NRG3: variants seen among roughly 807,000 people sequenced by gnomAD.
NRG3 encodes neuregulin 3, also known as pro-neuregulin-3, membrane-bound isoform.
In NRG3, 31 loss-of-function variants were observed where a neutral mutation model predicts 66.9. That is an observed-to-expected ratio of 0.46 (90% CI 0.35 to 0.63). The LOEUF (loss-of-function observed/expected upper bound fraction) is 0.63. Among genes scored for constraint, NRG3 ranks in the 20% least tolerant of loss-of-function variants. NRG3 has a pLI of 0.00. For synonymous variants in NRG3, 393 were observed against 359.4 expected (o/e 1.09, Z -1.06); for missense variants, 910 against 878.9 (o/e 1.04, Z -0.45).
intron 3 of NRG3, among the ~76,000 whole-genome samples, chr10:82,793,002 T>C (rs1045374023): frequency 3.3e-5 from 5 of 152,048 alleles, no homozygotes; most frequent in Non-Finnish European, 7.4e-5. Flanking sequence ...GTTTTTTTAA[T>C]CCTACCAATA....
At chr10:82,843,809 G>A (rs1190907197) in intron 3 of NRG3, among the ~76,000 whole-genome samples, 2 of 152,118 alleles carry the variant, frequency 1.3e-5, no homozygotes, top group Admixed American at 6.5e-5. Flanking sequence ...CGAGATGCAA[G>A]GGAAGGTTAA....
At chr10:82,377,991 G>A (rs569674104) in intron 2 of NRG3, among the ~76,000 whole-genome samples, 1 of 152,338 alleles carries the variant, frequency 6.6e-6, no homozygotes, top group African/African-American at 2.4e-5. Context: ...TAGGAAGTGA[G>A]AACAAATCTA....
intron 1 of NRG3, among the ~76,000 whole-genome samples, chr10:81,884,309 G>T (rs970464075): frequency 4.6e-5 from 7 of 152,144 alleles, no homozygotes; most frequent in Admixed American, 3.3e-4. Flanking sequence ...CCTGTTCTTT[G>T]CTCTGATATG....
intron 1 of NRG3, among the ~76,000 whole-genome samples, chr10:82,050,020 C>T (rs956477868): frequency 6.6e-6 from 1 of 152,030 alleles, no homozygotes; most frequent in Non-Finnish European, 1.5e-5. Flanking sequence ...CACACACTCA[C>T]CAGCAACATA....
At chr10:82,720,946 C>T (rs2057279962) in intron 2 of NRG3, among the ~76,000 whole-genome samples, 1 of 149,940 alleles carries the variant, frequency 6.7e-6, no homozygotes. Flanking sequence ...GATTCCATTT[C>T]AACTTGTCAA....
At chr10:82,526,168 G>T (rs1846670890) in intron 2 of NRG3, among the ~76,000 whole-genome samples, 2 of 151,756 alleles carry the variant, frequency 1.3e-5, no homozygotes, top group South Asian at 4.1e-4. Flanking sequence ...AATATAATTT[G>T]CTATAATCAC....
Position 82,148,220 on chromosome 10 carries a change from C to CG in NRG3, c.824-210512dup, listed in dbSNP as rs112879909. On this transcript the variant is annotated intron_variant, in intron 1 of 8. Coordinates refer to ENST00000372141, the MANE Select transcript of NRG3 (RefSeq NM_001010848.4). ...ATCCAGTTTAAAATATCACTGATTG[C>CG]GGGGGGGTGGCTCACACTTGCAATC... Among the ~76,000 whole-genome samples the CG allele has an allele frequency of 6.7e-3, 1,012 of 151,514 alleles. 13 individuals carry two copies. The highest frequency in any genetic ancestry group is 0.023 in the African/African-American group (943 of 41,010).
At chr10:82,766,589 C>T (rs1034629585) in intron 3 of NRG3, among the ~76,000 whole-genome samples, 2 of 152,034 alleles carry the variant, frequency 1.3e-5, no homozygotes, top group Middle Eastern at 3.2e-3. Flanking sequence ...TTCTCTTATC[C>T]TTTCTGTGGT....
chr10:82,563,775 AAT>A (rs1252103330), intron 2 of NRG3, among the ~76,000 whole-genome samples: 1 of 152,028 alleles, frequency 6.6e-6, no homozygotes, highest in Non-Finnish European at 1.5e-5. Context: ...CTCTTTTAGC[AAT>A]TTTGAAATAT....
intron 1 of NRG3, among the ~76,000 whole-genome samples, chr10:82,289,440 C>G (rs1053013911): frequency 1.3e-5 from 2 of 149,204 alleles, no homozygotes; most frequent in African/African-American, 4.8e-5. Flanking sequence ...AGTATATAAA[C>G]AAGAATTCAA....
At chr10:82,079,140 G>T (rs936934174) in intron 1 of NRG3, among the ~76,000 whole-genome samples, 15 of 151,980 alleles carry the variant, frequency 9.9e-5, no homozygotes, top group Admixed American at 3.9e-4. Flanking sequence ...CGCCTCCCGG[G>T]TTCAAGTGAT....
At chr10:82,123,502 C>T (rs1367612600) in intron 1 of NRG3, among the ~76,000 whole-genome samples, 1 of 152,120 alleles carries the variant, frequency 6.6e-6, no homozygotes, top group Non-Finnish European at 1.5e-5. Context: ...GCAAACTAGA[C>T]ATAACTGTTC....
At chr10:82,321,303 G>GA (rs1377656625) in intron 1 of NRG3, among the ~76,000 whole-genome samples, 3 of 144,044 alleles carry the variant, frequency 2.1e-5, no homozygotes, top group East Asian at 4.8e-4. Context: ...GGCAGGGGTG[G>GA]GGGTGGGGGT....
At chr10:82,467,514 G>A (rs551369661) in intron 2 of NRG3, among the ~76,000 whole-genome samples, 10 of 152,332 alleles carry the variant, frequency 6.6e-5, no homozygotes, top group African/African-American at 2.4e-4. Context: ...GAATCCTGCT[G>A]AAGAGGGAAC....
At chr10:82,201,992 G>A (rs1258836602) in intron 1 of NRG3, among the ~76,000 whole-genome samples, 1 of 152,076 alleles carries the variant, frequency 6.6e-6, no homozygotes, top group Non-Finnish European at 1.5e-5. Flanking sequence ...CAAAATAGTA[G>A]TAATCAAAGG....
chr10:82,367,597 G>T (rs1408501338), intron 2 of NRG3, among the ~76,000 whole-genome samples: 1 of 151,906 alleles, frequency 6.6e-6, no homozygotes, highest in Non-Finnish European at 1.5e-5. Flanking sequence ...TTTCCTTGCA[G>T]ACTCTTTAAA....
At chr10:82,874,348 A>G (rs1215063394) in intron 4 of NRG3, among the ~76,000 whole-genome samples, 1 of 149,674 alleles carries the variant, frequency 6.7e-6, no homozygotes, top group Non-Finnish European at 1.5e-5. Context: ...ATGAATTCAT[A>G]TTTCTGTTCT....
chr10:82,061,212 G>A lies in NRG3; in HGVS notation c.823+185049G>A, dbSNP rs553256922. The stretch of plus-strand genomic sequence containing the variant: ...CTAAAAGTACAAAAATTAGCCGGGC[G>A]TGGTGGCGGGTGCCTGTAATCCCAA... On this transcript the variant is annotated intron_variant, in intron 1 of 8. Transcript: ENST00000372141. Among the ~76,000 whole-genome samples, 11 of 152,134 alleles carry A rather than the reference G, an allele frequency of 7.2e-5. No homozygotes were observed. The East Asian group carries it at 9.7e-4, about 13-fold the overall frequency.
Position 82,041,970 on chromosome 10 carries a change from A to T in NRG3, c.823+165807A>T, listed in dbSNP as rs192460776. 8.5e-5 allele frequency among the ~76,000 whole-genome samples: 13 copies of T among 152,144 alleles called. No individual in the cohort carries two copies. In the East Asian group the frequency reaches 2.5e-3, roughly 29 times the overall value. On this transcript the variant is annotated intron_variant, in intron 1 of 8. Coordinates refer to ENST00000372141, the MANE Select transcript of NRG3 (RefSeq NM_001010848.4). ...AAAACTACCCCAGATGGGCGAAATG[A>T]CTTGATCAAGTCACATAGTATTGGG...
Sources: allele counts gnomAD v4.1 joint callset (sites outside exome capture counted in the v4.1 genomes callset), GRCh38; gene constraint gnomAD v4.1.1; transcripts MANE v1.5; gene names NCBI Gene and HGNC (gene_info 2026-07-23, HGNC 2026-07-21).